The following METTL15 variants were observed in gnomAD, a reference collection of about 807,000 sequenced individuals.
METTL15 encodes the protein 12S rRNA N(4)-cytidine methyltransferase METTL15.
METTL15 carries 34 observed loss-of-function variants against 38.3 expected under a neutral mutation model. The observed-to-expected ratio is 0.89, with a 90% confidence interval of 0.68 to 1.18. The LOEUF (loss-of-function observed/expected upper bound fraction) is 1.18. METTL15 is among the 50% of genes most tolerant of loss of function. The pLI is 0.00. For synonymous variants in METTL15, 162 were observed against 170.9 expected, an observed-to-expected ratio of 0.95 and a Z score of 0.41; for missense variants, 438 against 498.4, an observed-to-expected ratio of 0.88 and a Z score of 1.15.
chr11:28,497,397 A>G (rs1851543645), intron 6 of METTL15, among the ~76,000 whole-genome samples: 1 of 152,216 alleles, frequency 6.6e-6, no homozygotes, highest in African/African-American at 2.4e-5. Flanking sequence ...CCAAAATGGG[A>G]AAGAATGACA....
At chr11:28,361,778 G>A (rs1375866805) in intron 4 of METTL15, among the ~76,000 whole-genome samples, 1 of 152,082 alleles carries the variant, frequency 6.6e-6, no homozygotes, top group African/African-American at 2.4e-5. Flanking sequence ...TGGGGTCCCG[G>A]AGCCTAGACA....
chr11:28,109,646 T>G (rs1173295669), intron 1 of METTL15, among the ~76,000 whole-genome samples: 1 of 152,242 alleles, frequency 6.6e-6, no homozygotes, highest in Admixed American at 6.5e-5. Context: ...TCTGAAAATA[T>G]GCATATTTTG....
intron 3 of METTL15, among the ~76,000 whole-genome samples, chr11:28,183,447 A>T (rs1851371218): frequency 6.6e-6 from 1 of 151,940 alleles, no homozygotes; most frequent in South Asian, 2.1e-4. Context: ...TACCTAGTTT[A>T]TTGAGAGTTT....
intron 3 of METTL15, among the ~76,000 whole-genome samples, chr11:28,342,994 AAG>A (rs1356712782): frequency 1.3e-5 from 2 of 152,202 alleles, no homozygotes; most frequent in South Asian, 4.1e-4. Context: ...TGGTAAGAAA[AAG>A]AGAATATGTC....
chr11:28,302,280 C>G (rs531467926), intron 6 of METTL15, among the ~76,000 whole-genome samples: 2 of 152,048 alleles, frequency 1.3e-5, no homozygotes, highest in South Asian at 4.1e-4. Flanking sequence ...AAAAGCTCTG[C>G]TTTTAGAATG....
chr11:28,172,510 A>G (rs566548625), intron 3 of METTL15, among the ~76,000 whole-genome samples: 1 of 152,228 alleles, frequency 6.6e-6, no homozygotes, highest in South Asian at 2.1e-4. Context: ...TCTTTACTTC[A>G]TTCCTGTATT....
At chr11:28,174,552 C>T (rs930943258) in intron 3 of METTL15, among the ~76,000 whole-genome samples, 12 of 152,040 alleles carry the variant, frequency 7.9e-5, no homozygotes, top group African/African-American at 2.7e-4. Context: ...CAGTGACTCA[C>T]GTCTGTAATC....
At chr11:28,296,663 T>TGTC in intron 5 of METTL15, 90 bp from the exon 6 acceptor site, 1 of 1,337,178 alleles carries the variant, frequency 7.5e-7, no homozygotes, top group Non-Finnish European at 1.1e-6. Flanking sequence ...TATGTGTGTG[T>TGTC]GTCTGACTTT....
At chr11:28,245,064 A>G (rs1854454443) in intron 4 of METTL15, among the ~76,000 whole-genome samples, 1 of 152,184 alleles carries the variant, frequency 6.6e-6, no homozygotes, top group Admixed American at 6.5e-5. Context: ...CTAGACAGGC[A>G]ATGTCTTAAT....
intron 2 of METTL15, among the ~76,000 whole-genome samples, chr11:28,110,653 G>C (rs565236634): frequency 6.6e-6 from 1 of 152,206 alleles, no homozygotes; most frequent in South Asian, 2.1e-4. Flanking sequence ...CTCAGCGTTC[G>C]TGTGCCAGCC....
intron 5 of METTL15, among the ~76,000 whole-genome samples, chr11:28,378,511 G>A (rs1355044254): frequency 2.6e-5 from 4 of 152,176 alleles, no homozygotes; most frequent in Non-Finnish European, 4.4e-5. Flanking sequence ...GCCCTGCTTC[G>A]GCTCGTGCAC....
At chr11:28,192,170 A>G in intron 3 of METTL15, among the ~76,000 whole-genome samples, 1 of 151,834 alleles carries the variant, frequency 6.6e-6, no homozygotes, top group East Asian at 1.9e-4. Flanking sequence ...ATGTCATATA[A>G]TACTTGATAG....
At chr11:28,522,544 A>G (rs1851772880) in intron 6 of METTL15, among the ~76,000 whole-genome samples, 1 of 152,228 alleles carries the variant, frequency 6.6e-6, no homozygotes, top group African/African-American at 2.4e-5. Context: ...CAATTTAAAT[A>G]TTAGTCTCAT....
chr11:28,369,850 A>C (rs565344092), intron 5 of METTL15, among the ~76,000 whole-genome samples: 12 of 152,256 alleles, frequency 7.9e-5, no homozygotes, highest in African/African-American at 2.9e-4. Context: ...AAAAGTAAAG[A>C]TCTCTGGTAA....
intron 4 of METTL15, among the ~76,000 whole-genome samples, chr11:28,225,988 A>G (rs1007388157): frequency 2.0e-5 from 3 of 151,838 alleles, no homozygotes; most frequent in Non-Finnish European, 4.4e-5. Context: ...TTTATTGTCA[A>G]TATTGTTCAA....
chr11:28,250,644 C>G (rs1565201785), intron 4 of METTL15, among the ~76,000 whole-genome samples: 1 of 151,796 alleles, frequency 6.6e-6, no homozygotes, highest in East Asian at 1.9e-4. Context: ...ATGTAACAGT[C>G]CAGAGGCAGT....
chr11:28,377,643 CCTT>C (rs1264944397), intron 5 of METTL15, among the ~76,000 whole-genome samples: 1 of 152,104 alleles, frequency 6.6e-6, no homozygotes, highest in Non-Finnish European at 1.5e-5. Flanking sequence ...TCGTCTGAAG[CCTT>C]CTTCTCTCAG....
intron 3 of METTL15, among the ~76,000 whole-genome samples, chr11:28,173,199 G>A (rs147463424): frequency 1.3e-5 from 2 of 152,160 alleles, no homozygotes; most frequent in African/African-American, 4.8e-5. Flanking sequence ...CTGAATATTT[G>A]TGTTCCCCAC....
At chr11:28,159,265 T>C (rs1364488569) in intron 3 of METTL15, among the ~76,000 whole-genome samples, 2 of 152,114 alleles carry the variant, frequency 1.3e-5, no homozygotes, top group Non-Finnish European at 2.9e-5. Flanking sequence ...ATCAGTCTAC[T>C]ACGCCGCAAC....
Sources: gnomAD v4.1 joint callset for allele counts (sites outside exome capture counted in the v4.1 genomes callset) on GRCh38, gnomAD v4.1.1 for gene constraint, MANE v1.5 for transcripts, NCBI Gene and HGNC (gene_info 2026-07-23, HGNC 2026-07-21) for gene names.